The following AKNAD1 variants were observed in gnomAD, a reference collection of about 807,000 sequenced individuals.
AKNAD1 encodes the protein AKNA domain containing 1.
Under a neutral mutation model 90.8 loss-of-function variants are expected in AKNAD1, and 67 were observed. That is an observed-to-expected ratio of 0.74 (90% CI 0.61 to 0.90). The LOEUF is 0.90. Ranked by LOEUF, AKNAD1 falls within the 40% of genes least tolerant of loss-of-function variation. The pLI is 0.00. For missense variants in AKNAD1, 957 were observed against 975.4 expected, an observed-to-expected ratio of 0.98 and a Z score of 0.25; for synonymous variants, 327 against 341.4, an observed-to-expected ratio of 0.96 and a Z score of 0.46.
chr1:108,853,470 G>A (rs1440162223), intron 1 of AKNAD1, among the ~76,000 whole-genome samples: 4 of 150,558 alleles, frequency 2.7e-5, no homozygotes, highest in African/African-American at 7.3e-5. Flanking sequence ...CCTTGTCCAC[G>A]TGTCACTGAC....
intron 6 of AKNAD1, among the ~76,000 whole-genome samples, chr1:108,840,220 T>G (rs550711207): frequency 1.1e-4 from 16 of 152,188 alleles, no homozygotes; most frequent in African/African-American, 3.9e-4. Flanking sequence ...ATTAAGACAA[T>G]CAACTAAAAA....
chr1:108,828,372 T>C (rs554312251), intron 10 of AKNAD1, among the ~76,000 whole-genome samples: 1 of 151,778 alleles, frequency 6.6e-6, no homozygotes, highest in South Asian at 2.1e-4. Context: ...GCTTCCTCCC[T>C]CCTCCTCAGA....
At chr1:108,844,935 C>T (rs1175242491) in intron 5 of AKNAD1, among the ~76,000 whole-genome samples, 2 of 151,952 alleles carry the variant, frequency 1.3e-5, no homozygotes, top group Admixed American at 6.6e-5. Flanking sequence ...TCTCCTGCCT[C>T]AGCCTTCCAA....
At chr1:108,828,353 C>T (rs1664078726) in intron 10 of AKNAD1, among the ~76,000 whole-genome samples, 1 of 151,680 alleles carries the variant, frequency 6.6e-6, no homozygotes, top group African/African-American at 2.4e-5. Context: ...TTCCTGTGGC[C>T]CACCTGCAGC....
In AKNAD1 at chr1:108,837,760, A is replaced by C. The variant is rs555027619; in HGVS notation, c.1380-54T>G. 62 of 1,568,698 alleles carry C rather than the reference A, an allele frequency of 4.0e-5. No homozygotes were observed. The African/African-American group carries it at 8.0e-4, about 20-fold the overall frequency. On this transcript the variant is annotated intron_variant, in intron 6 of 15. Coordinates refer to ENST00000370001, the MANE Select transcript of AKNAD1 (RefSeq NM_152763.5). Reference sequence around the variant, plus strand: ...TCTGGGCTATGTGGTTGGCATTCTAATTAATAATGACAGTTCTTGAATACA... The same window carrying C: ...TCTGGGCTATGTGGTTGGCATTCTACTTAATAATGACAGTTCTTGAATACA...
chr1:108,820,614 G>A lies in AKNAD1; in HGVS notation c.2180C>T (p.Pro727Leu), dbSNP rs141540736. The A allele has an allele frequency of 5.0e-6, 8 of 1,607,058 alleles. No individual in the cohort carries two copies. The African/African-American group carries it at 1.1e-4, about 22-fold the overall frequency. Residue 727 changes from proline (P) to leucine (L), a missense_variant, in exon 14 of 16, where the codon CCC (proline) becomes CTC (leucine). Transcript: ENST00000370001. ...CACTCTCTGAGAACAGATCCGTTTG[G>A]GTTTTAAAAAAGCTGAAAAATGTTA... ...SKNSSPSFLK[P>L]KRICSQRVNS...
At position 108,834,709 on chromosome 1, in the gene AKNAD1, GC is replaced by G. The variant is rs369579016; in HGVS notation, c.1665-182del. Among the ~76,000 whole-genome samples, 34 of 151,828 alleles carry G rather than the reference GC, an allele frequency of 2.2e-4. No homozygotes were observed. The South Asian group carries it at 4.4e-3, about 20-fold the overall frequency. On this transcript the variant is annotated intron_variant, in intron 8 of 15. Coordinates refer to ENST00000370001, the MANE Select transcript of AKNAD1 (RefSeq NM_152763.5). ...CCTTCACCTCTCCCCGCGTCCCCCA[GC>G]CCCAGCTGTCCCGTCCCTCAGATCT...
chr1:108,835,846 G>A (rs1257360541), intron 7 of AKNAD1, among the ~76,000 whole-genome samples: 1 of 151,876 alleles, frequency 6.6e-6, no homozygotes, highest in African/African-American at 2.4e-5. Context: ...GGCTGGTCTC[G>A]AACTCCTGAC....
In AKNAD1 at chr1:108,841,425, G is replaced by C. The variant is rs1664548982; in HGVS notation, c.1379+1709C>G. 3.3e-5 allele frequency among the ~76,000 whole-genome samples: 5 copies of C among 152,180 alleles called. No homozygotes were observed. In the South Asian group the frequency reaches 1.0e-3, roughly 31 times the overall value. On this transcript the variant is annotated intron_variant, in intron 6 of 15. Transcript: ENST00000370001. ...CTGAGACTCTCAGGGAGAAGTGGCT[G>C]ATGAAGGTAGAACCCCATTTCTTGA...
Position 108,852,014 on chromosome 1 carries a change from T to G in AKNAD1, c.651A>C (p.Lys217Asn). Residue 217 changes from lysine to asparagine, a missense_variant, in exon 2 of 16, where the codon AAA (lysine) becomes AAC (asparagine). Physicochemically the swap from Lys to Asn is moderately conservative, Grantham distance 94. Coordinates refer to ENST00000370001, the MANE Select transcript of AKNAD1 (RefSeq NM_152763.5). ...SHQENVNVLT[K>N]TKGPGDKQKS... The stretch of plus-strand genomic sequence containing the variant: ...TTTGTTTATCACCTGGACCCTTGGT[T>G]TTAGTTAGAACATTCACATTTTCTT... 1.9e-6 allele frequency: 3 copies of G among 1,614,020 alleles called. No individual in the cohort carries two copies. The highest frequency in any genetic ancestry group is 2.5e-6 in the Non-Finnish European group (3 of 1,180,008).
intron 5 of AKNAD1, among the ~76,000 whole-genome samples, chr1:108,846,060 A>G (rs1238077688): frequency 6.6e-6 from 1 of 152,226 alleles, no homozygotes; most frequent in African/African-American, 2.4e-5. Context: ...TCTCATAACA[A>G]CTCTGAAAGG....
In AKNAD1 at chr1:108,849,042, C is replaced by G. The variant is rs200748698; in HGVS notation, c.1052G>C (p.Ser351Thr). 1 of 1,600,844 alleles carries G rather than the reference C, an allele frequency of 6.2e-7. No individual in the cohort carries two copies. Among genetic ancestry groups the G allele is most frequent in the Non-Finnish European group, 8.5e-7 (1 of 1,176,292 alleles). The change falls in exon 4 of 16, where the codon AGT becomes ACT. Residue 351 changes from serine to threonine, a missense_variant. Ser to Thr is a moderately conservative substitution (Grantham distance 58). Transcript: ENST00000370001. ...ELLTGIESEA[S>T]LSKLSPTSQK... ...AGAGGTTGGTGACAACTTAGAGAGA[C>G]TTGCCTCAGATTCTATTCCTATACA...
chr1:108,846,394 A>T (rs1570822943), intron 5 of AKNAD1, among the ~76,000 whole-genome samples: 1 of 152,184 alleles, frequency 6.6e-6, no homozygotes, highest in East Asian at 1.9e-4. Flanking sequence ...CAGCCCTTTA[A>T]AATTCTGTGT....
rs1277205 is a variant in AKNAD1 at position 108,850,815 on chromosome 1, G to C, written c.993+857C>G. 2.0e-5 allele frequency among the ~76,000 whole-genome samples: 3 copies of C among 152,140 alleles called. No individual in the cohort carries two copies. In the East Asian group the frequency reaches 5.8e-4, roughly 29 times the overall value. On this transcript the variant is annotated intron_variant, in intron 2 of 15. Coordinates refer to ENST00000370001, the MANE Select transcript of AKNAD1 (RefSeq NM_152763.5). Reference sequence around the variant, plus strand: ...CTAAAATGTATATTTTGATTATTAAGATGGATTTACCTTACTATTGGGCCT... The same window carrying C: ...CTAAAATGTATATTTTGATTATTAACATGGATTTACCTTACTATTGGGCCT...
rs781227359 is a variant in AKNAD1, at chr1:108,852,062, C to A, written c.603G>T (p.Val201=). 2.5e-6 allele frequency: 4 copies of A among 1,614,150 alleles called. No individual in the cohort carries two copies. Among genetic ancestry groups the A allele is most frequent in the Admixed American group, 1.7e-5 (1 of 60,016 alleles). The part of the protein sequence containing the change: ...EENTSDLEGP[V]AAGDSSHQEN... ...CTTGATGGCTGCTATCTCCAGCAGC[C>A]ACTGGCCCTTCTAAATCAGAGGTAT... Residue 201 remains valine, a synonymous_variant, in exon 2 of 16, where the codon GTG becomes GTT. Transcript: ENST00000370001.
chr1:108,830,407 C>T (rs375157308), intron 10 of AKNAD1, 152 bp downstream of exon 10: 68 of 673,072 alleles, frequency 1.0e-4, no homozygotes, highest in East Asian at 6.5e-4. Context: ...CTGTAGGGTG[C>T]GAGGGAGGCT....
rs532736666 is a variant in AKNAD1 at position 108,831,545 on chromosome 1, G to A, written c.1747-895C>T. Among the ~76,000 whole-genome samples the A allele has an allele frequency of 3.3e-5, 5 of 152,252 alleles. No homozygotes were observed. In the South Asian group the frequency reaches 8.3e-4, roughly 25 times the overall value. ...AAATGTTTCTGTTAATTGAAGGGAG[G>A]GGTGTGTCACCTTTTGTGTTAATTT... On this transcript the variant is annotated intron_variant, in intron 9 of 15. Coordinates refer to ENST00000370001, the MANE Select transcript of AKNAD1 (RefSeq NM_152763.5).
intron 9 of AKNAD1, 150 bp downstream of exon 9, chr1:108,834,297 C>T (rs767903510): frequency 1.7e-4 from 108 of 651,116 alleles, no homozygotes; most frequent in Non-Finnish European, 2.6e-4. Context: ...GCAGTACCAG[C>T]CATCACCAGC....
intron 10 of AKNAD1, 113 bp downstream of exon 10, chr1:108,830,446 G>GACTCTATA (rs1398878423): frequency 2.1e-6 from 2 of 958,170 alleles, no homozygotes; most frequent in African/African-American, 3.2e-5. Flanking sequence ...TGAGATCTGT[G>GACTCTATA]ACTCTATAAC....
Sources: allele counts gnomAD v4.1 joint callset (sites outside exome capture counted in the v4.1 genomes callset), GRCh38; gene constraint gnomAD v4.1.1; transcripts MANE v1.5; gene names NCBI Gene and HGNC (gene_info 2026-07-23, HGNC 2026-07-21).